Variants in PHACTR1 observed in about 807,000 individuals in gnomAD.
PHACTR1 encodes the protein RPEL repeat containing 1.
PHACTR1 carries 16 observed loss-of-function variants against 69.2 expected under a neutral mutation model. That is an observed-to-expected ratio of 0.23 (90% CI 0.16 to 0.35). The LOEUF (loss-of-function observed/expected upper bound fraction) is 0.35, where lower values mean the gene tolerates loss of function less well. PHACTR1 is among the 10% of genes least tolerant of loss of function. The pLI, the probability that PHACTR1 is intolerant of heterozygous loss-of-function variation, is 1.00. For missense variants in PHACTR1, 510 were observed against 734.7 expected, an observed-to-expected ratio of 0.69 and a Z score of 3.54; for synonymous variants, 312 against 284.5, an observed-to-expected ratio of 1.10 and a Z score of -0.97.
intron 4 of PHACTR1, among the ~76,000 whole-genome samples, chr6:13,029,820 A>G (rs1802208127): frequency 6.6e-6 from 1 of 152,258 alleles, no homozygotes; most frequent in Non-Finnish European, 1.5e-5. Context: ...GCTGTGTTCC[A>G]GTAAAACTTT....
At chr6:12,796,070 A>C (rs1174379846) in intron 4 of PHACTR1, among the ~76,000 whole-genome samples, 1 of 152,084 alleles carries the variant, frequency 6.6e-6, no homozygotes, top group Non-Finnish European at 1.5e-5. Flanking sequence ...AAATTGTTTT[A>C]TTTTTTTCTA....
chr6:13,106,120 T>C (rs1259094918), intron 5 of PHACTR1, among the ~76,000 whole-genome samples: 1 of 152,196 alleles, frequency 6.6e-6, no homozygotes, highest in Admixed American at 6.5e-5. Context: ...CATTTTAACA[T>C]TTCTATGGGC....
rs1554134790 is a variant in PHACTR1, at chr6:13,131,220, C to CACAG, written c.416-28981_416-28980insGACA. ...ATATATATACACATACACACACACA[C>CACAG]ACACACACACACACACACACACACA... On this transcript the variant is annotated intron_variant, in intron 5 of 14. Transcript: ENST00000332995. 2.2e-4 allele frequency among the ~76,000 whole-genome samples: 7 copies of CACAG among 31,568 alleles called. No individual in the cohort carries two copies. In the Admixed American group the frequency reaches 2.3e-3, roughly 11 times the overall value. 20.7% of individuals were successfully genotyped at this position (31,568 alleles called of 152,430 possible).
intron 4 of PHACTR1, among the ~76,000 whole-genome samples, chr6:12,890,178 C>T (rs996455709): frequency 6.6e-6 from 1 of 152,144 alleles, no homozygotes; most frequent in African/African-American, 2.4e-5. Context: ...CTAGGTTGCA[C>T]TCTCCTTATG....
chr6:12,926,334 T>C (rs935709182), intron 4 of PHACTR1, among the ~76,000 whole-genome samples: 21 of 152,226 alleles, frequency 1.4e-4, no homozygotes, highest in Admixed American at 5.9e-4. Flanking sequence ...ATTTTTGTCT[T>C]AGATGCTCTT....
intron 4 of PHACTR1, among the ~76,000 whole-genome samples, chr6:12,878,635 T>C (rs374525637): frequency 6.6e-6 from 1 of 152,192 alleles, no homozygotes; most frequent in Non-Finnish European, 1.5e-5. Flanking sequence ...GAGCCAAAAA[T>C]TGACAAATGA....
intron 4 of PHACTR1, among the ~76,000 whole-genome samples, chr6:12,839,635 C>A (rs1778495179): frequency 6.6e-6 from 1 of 152,106 alleles, no homozygotes; most frequent in Admixed American, 6.6e-5. Flanking sequence ...CAACTTGATT[C>A]CAAAGTCTGA....
intron 4 of PHACTR1, among the ~76,000 whole-genome samples, chr6:12,822,575 C>T (rs1051125361): frequency 1.3e-5 from 2 of 152,158 alleles, no homozygotes; most frequent in African/African-American, 2.4e-5. Context: ...GTTCCTCGCC[C>T]CAGGCCTCCT....
At chr6:13,254,057 A>T (rs555496) in intron 10 of PHACTR1, among the ~76,000 whole-genome samples, 4 of 152,020 alleles carry the variant, frequency 2.6e-5, no homozygotes, top group African/African-American at 9.7e-5. Context: ...GTGAAACCCT[A>T]TATCTACTAA....
Position 13,071,940 on chromosome 6 carries a change from C to T in PHACTR1, c.415+18411C>T, listed in dbSNP as rs147520830. ...ATGTTTCTAAGAAGATTATATGAAG[C>T]AACTATGAACTGTAATTCAGCAGCA... On this transcript the variant is annotated intron_variant, in intron 5 of 14. Coordinates refer to ENST00000332995, the MANE Select transcript of PHACTR1 (RefSeq NM_030948.6). Among the ~76,000 whole-genome samples, 74 of 152,276 alleles carry T rather than the reference C, an allele frequency of 4.9e-4. No homozygotes were observed. The Middle Eastern group carries it at 0.01, about 21-fold the overall frequency.
At chr6:13,157,475 C>G (rs1022129016) in intron 5 of PHACTR1, among the ~76,000 whole-genome samples, 32 of 152,212 alleles carry the variant, frequency 2.1e-4, no homozygotes, top group Non-Finnish European at 4.0e-4. Flanking sequence ...CCAGCCGGTG[C>G]CTTTGACCAT....
At chr6:13,030,182 C>T (rs915176842) in intron 4 of PHACTR1, among the ~76,000 whole-genome samples, 1 of 151,870 alleles carries the variant, frequency 6.6e-6, no homozygotes, top group African/African-American at 2.4e-5. Context: ...TTGTATTAAA[C>T]GCATTCACAC....
chr6:12,961,077 GT>G (rs1792660212), intron 4 of PHACTR1, among the ~76,000 whole-genome samples: 1 of 152,158 alleles, frequency 6.6e-6, no homozygotes, highest in South Asian at 2.1e-4. Context: ...CAGGGAAAGG[GT>G]TTCCTAAAAG....
rs142058960 is a variant in PHACTR1 at position 12,852,380 on chromosome 6, A to C, written c.250+102590A>C. The stretch of plus-strand genomic sequence containing the variant: ...AATCTCAATCAGAAGAATCCAACTT[A>C]AGAAATAATAGTACCAGACATAGAA... On this transcript the variant is annotated intron_variant, in intron 4 of 14. Transcript: ENST00000332995. Among the ~76,000 whole-genome samples, 628 of 152,296 alleles carry C rather than the reference A, an allele frequency of 4.1e-3. 6 individuals carry two copies. The highest frequency in any genetic ancestry group is 0.015 in the African/African-American group (605 of 41,558).
At chr6:12,815,457 G>A (rs1308487807) in intron 4 of PHACTR1, among the ~76,000 whole-genome samples, 1 of 152,154 alleles carries the variant, frequency 6.6e-6, no homozygotes, top group African/African-American at 2.4e-5. Context: ...AAACAGCAAA[G>A]GTGACAAATT....
intron 4 of PHACTR1, among the ~76,000 whole-genome samples, chr6:12,897,105 G>A (rs78099600): frequency 0.01 from 1,554 of 152,132 alleles, 35 homozygotes; most frequent in South Asian, 0.1. Context: ...CTTTTTAAAG[G>A]GGCCATTTCT....
intron 4 of PHACTR1, among the ~76,000 whole-genome samples, chr6:12,972,361 C>T (rs999663355): frequency 3.9e-5 from 6 of 152,182 alleles, no homozygotes; most frequent in African/African-American, 1.2e-4. Context: ...AGCATTAATT[C>T]CTACACATAC....
chr6:12,782,916 C>CA (rs771042003), intron 4 of PHACTR1, among the ~76,000 whole-genome samples: 2 of 151,656 alleles, frequency 1.3e-5, no homozygotes, highest in African/African-American at 4.8e-5. Flanking sequence ...TTTAGAGGGG[C>CA]AAAAAAAGGA....
At chr6:13,238,167 C>A (rs1379790041) in intron 10 of PHACTR1, among the ~76,000 whole-genome samples, 3 of 152,208 alleles carry the variant, frequency 2.0e-5, no homozygotes, top group Admixed American at 2.0e-4. Flanking sequence ...TTTTCCTTAA[C>A]ACCCACAGCC....
Sources: allele counts gnomAD v4.1 joint callset (sites outside exome capture counted in the v4.1 genomes callset), GRCh38; gene constraint gnomAD v4.1.1; transcripts MANE v1.5; gene names NCBI Gene and HGNC (gene_info 2026-07-23, HGNC 2026-07-21).